The following SPESP1 variants were observed in gnomAD, a reference collection of about 807,000 sequenced individuals.
SPESP1 encodes the protein sperm equatorial segment protein 1, also known as equatorial segment protein.
A neutral mutation model predicts 3.1 loss-of-function variants in SPESP1; 1 was observed. The observed-to-expected ratio is 0.33, with a 90% CI of 0.12 to 1.54. The LOEUF is 1.54. Among genes scored for constraint, SPESP1 ranks in the 40% most tolerant of loss-of-function variants. SPESP1 has a pLI of 0.38. For synonymous variants in SPESP1, 138 were observed against 150.7 expected (o/e 0.92, Z 0.62); for missense variants, 398 against 410.1 (o/e 0.97, Z 0.26).
chr15:68,931,579 G>A (rs978765816), intron 1 of SPESP1, among the ~76,000 whole-genome samples: 73 of 152,186 alleles, frequency 4.8e-4, no homozygotes, highest in African/African-American at 1.8e-3. Context: ...ACTCACCTGA[G>A]GATGCGCTCC....
intron 1 of SPESP1, among the ~76,000 whole-genome samples, chr15:68,935,667 A>G (rs1895664353): frequency 6.6e-6 from 1 of 152,268 alleles, no homozygotes; most frequent in Admixed American, 6.5e-5. Context: ...CAGGAAGTGT[A>G]AAGCCATAAA....
intron 1 of SPESP1, among the ~76,000 whole-genome samples, chr15:68,936,526 G>C (rs1054185237): frequency 6.6e-6 from 1 of 152,212 alleles, no homozygotes; most frequent in Non-Finnish European, 1.5e-5. Context: ...CGTAGCTACA[G>C]AAAGTAGATT....
chr15:68,939,126 C>T (rs576321849), intron 1 of SPESP1, among the ~76,000 whole-genome samples: 1 of 152,146 alleles, frequency 6.6e-6, no homozygotes, highest in South Asian at 2.1e-4. Context: ...TCTGAGATTC[C>T]AGCAAAATCT....
At chr15:68,941,179 T>G (rs1895813276) in intron 1 of SPESP1, among the ~76,000 whole-genome samples, 1 of 152,164 alleles carries the variant, frequency 6.6e-6, no homozygotes, top group African/African-American at 2.4e-5. Context: ...AGAAAAAAAT[T>G]GACATTTTTA....
In SPESP1 at chr15:68,930,715, C is replaced by A. The variant is rs374821057; in HGVS notation, c.62C>A (p.Pro21Gln). The A allele has an allele frequency of 6.2e-7, 1 of 1,613,932 alleles. No homozygotes were observed. The highest frequency in any genetic ancestry group is 8.5e-7 in the Non-Finnish European group (1 of 1,179,866). The change falls in exon 1 of 2, where the codon CCG (proline) becomes CAG (glutamine). Residue 21 changes from proline (P) to glutamine (Q), a missense_variant and splice_region_variant. Physicochemically the swap from Pro to Gln is moderately conservative, Grantham distance 76 (BLOSUM62 -1). Transcript: ENST00000310673. ...TGGCCTTCGTCTGTGCCGGCTTATC[C>A]GAGTGAGTGACGGGCCTGAGGAGGC... Reference protein sequence around the residue: ...LLWPSSVPAYPSITVTPDEEQ... With the variant: ...LLWPSSVPAYQSITVTPDEEQ...
chr15:68,942,387 T>TA (rs1362615862), intron 1 of SPESP1, among the ~76,000 whole-genome samples: 3 of 152,156 alleles, frequency 2.0e-5, no homozygotes, highest in Non-Finnish European at 4.4e-5. Context: ...AACATAGTTT[T>TA]ACCTCTTTCT....
chr15:68,945,374 A>G (rs1226831731), intron 1 of SPESP1, among the ~76,000 whole-genome samples: 1 of 152,212 alleles, frequency 6.6e-6, no homozygotes, highest in Non-Finnish European at 1.5e-5. Flanking sequence ...GTTAATATGC[A>G]ACTTTTGCAC....
intron 1 of SPESP1, 144 bp downstream of exon 1, chr15:68,930,861 C>T (rs1895515518): frequency 3.9e-6 from 5 of 1,275,326 alleles, no homozygotes; most frequent in East Asian, 5.2e-5. Flanking sequence ...GCCTCGACGC[C>T]GAGGGGTGTC....
chr15:68,930,869 G>T, intron 1 of SPESP1, 152 bp downstream of exon 1: 1 of 1,202,826 alleles, frequency 8.3e-7, no homozygotes, highest in South Asian at 1.4e-5. Flanking sequence ...GCCGAGGGGT[G>T]TCCCTCTCCT....
intron 1 of SPESP1, among the ~76,000 whole-genome samples, chr15:68,941,527 T>G (rs1447317859): frequency 6.6e-6 from 1 of 152,158 alleles, no homozygotes; most frequent in Non-Finnish European, 1.5e-5. Context: ...TAGTTTCTGG[T>G]GGCTGCCTAC....
chr15:68,944,470 A>C (rs1895908805), intron 1 of SPESP1, among the ~76,000 whole-genome samples: 1 of 152,034 alleles, frequency 6.6e-6, no homozygotes, highest in Non-Finnish European at 1.5e-5. Flanking sequence ...TTGATGCTTA[A>C]AATAAAAGAC....
At chr15:68,937,390 G>A (rs1357036241) in intron 1 of SPESP1, among the ~76,000 whole-genome samples, 1 of 152,096 alleles carries the variant, frequency 6.6e-6, no homozygotes, top group Non-Finnish European at 1.5e-5. Flanking sequence ...AATACAGTTA[G>A]AACTGTCTAA....
chr15:68,941,059 A>G (rs1388952279), intron 1 of SPESP1, among the ~76,000 whole-genome samples: 1 of 152,020 alleles, frequency 6.6e-6, no homozygotes, highest in African/African-American at 2.4e-5. Flanking sequence ...TAGAGGCTTT[A>G]TAATATATTT....
At chr15:68,931,461 T>C (rs1895537527) in intron 1 of SPESP1, among the ~76,000 whole-genome samples, 1 of 152,148 alleles carries the variant, frequency 6.6e-6, no homozygotes, top group Non-Finnish European at 1.5e-5. Context: ...CCACACAGTC[T>C]GGTCTGCAAA....
intron 1 of SPESP1, among the ~76,000 whole-genome samples, chr15:68,933,142 T>A (rs1325029352): frequency 6.6e-6 from 1 of 152,228 alleles, no homozygotes; most frequent in Non-Finnish European, 1.5e-5. Flanking sequence ...ACACATTTTT[T>A]CTAGACTACT....
intron 1 of SPESP1, chr15:68,939,830 C>A (rs1459271449): frequency 2.0e-5 from 3 of 152,146 alleles, no homozygotes; most frequent in Non-Finnish European, 2.9e-5. Flanking sequence ...CTTTGGCACT[C>A]TAACTCACCT....
chr15:68,932,392 C>T (rs1362745817), intron 1 of SPESP1, among the ~76,000 whole-genome samples: 2 of 151,284 alleles, frequency 1.3e-5, no homozygotes, highest in Non-Finnish European at 3.0e-5. Flanking sequence ...CCTTTTCCCC[C>T]CCTTTTTTTT....
At chr15:68,938,545 A>G (rs1260511541) in intron 1 of SPESP1, among the ~76,000 whole-genome samples, 2 of 152,170 alleles carry the variant, frequency 1.3e-5, no homozygotes, top group South Asian at 2.1e-4. Context: ...TTTAATTTTA[A>G]TATTTACATG....
chr15:68,930,726 C>G lies in SPESP1; in HGVS notation c.64+9C>G. 1.2e-6 allele frequency: 2 copies of G among 1,613,808 alleles called. No individual in the cohort carries two copies. Among genetic ancestry groups the G allele is most frequent in the Non-Finnish European group, 8.5e-7 (1 of 1,179,748 alleles). On this transcript the variant is annotated intron_variant, in intron 1 of 1. Coordinates refer to ENST00000310673, the MANE Select transcript of SPESP1 (RefSeq NM_145658.4). ...TGTGCCGGCTTATCCGAGTGAGTGA[C>G]GGGCCTGAGGAGGCAGCGGACCGGG...
Sources: gnomAD v4.1 joint callset for allele counts (sites outside exome capture counted in the v4.1 genomes callset) on GRCh38, gnomAD v4.1.1 for gene constraint, MANE v1.5 for transcripts, NCBI Gene and HGNC (gene_info 2026-07-23, HGNC 2026-07-21) for gene names.